MYT1L: variants seen among roughly 807,000 people sequenced by gnomAD.
The protein encoded by MYT1L is myelin transcription factor 1 like, also known as myelin transcription factor 1-like protein.
MYT1L carries 12 observed loss-of-function variants against 126.7 expected under a neutral mutation model. The observed-to-expected ratio is 0.09, with a 90% confidence interval of 0.06 to 0.15. MYT1L has a LOEUF of 0.15. Ranked by LOEUF, MYT1L falls within the 10% of genes least tolerant of loss-of-function variation. The pLI, the probability that MYT1L is intolerant of heterozygous loss-of-function variation, is 1.00. For synonymous variants in MYT1L, 541 were observed against 604.2 expected, an observed-to-expected ratio of 0.90 and a Z score of 1.53; for missense variants, 979 against 1,585.2, an observed-to-expected ratio of 0.62 and a Z score of 6.49.
In MYT1L at chr2:1,943,142, A is replaced by G. The variant is rs3748988; in HGVS notation, c.345T>C (p.Asp115=). The change falls in exon 9 of 25, where the codon GAT becomes GAC. Residue 115 remains aspartate, a synonymous_variant. Coordinates refer to ENST00000647738, the MANE Select transcript of MYT1L (RefSeq NM_001303052.2). The surrounding 1 kb of genome is among the most constrained non-coding windows in gnomAD (Gnocchi z 4.4). ...DEGEEYSEDN[D]EPGDEDEEDE... ...CCTCCTCGTCCTCATCCCCTGGCTCATCATTGTCCTCGGAGTACTCCTCCC... is the reference window on the plus strand; with the variant it reads ...CCTCCTCGTCCTCATCCCCTGGCTCGTCATTGTCCTCGGAGTACTCCTCCC... 0.38 allele frequency: 574,533 copies of G among 1,531,704 alleles called. 112,928 individuals are homozygous for G. The highest frequency in any genetic ancestry group is 0.65 in the African/African-American group (46,943 of 71,864). The allele number at this position is 1,531,704 out of a possible 1,614,324, so 94.9% of individuals were successfully genotyped here.
At position 1,889,854 on chromosome 2, in the gene MYT1L, C is replaced by T. The variant is rs1043863628; in HGVS notation, c.2284-377G>A. Among the ~76,000 whole-genome samples the T allele has an allele frequency of 2.0e-5, 3 of 151,798 alleles. No homozygotes were observed. The highest frequency in any genetic ancestry group is 4.4e-5 in the Non-Finnish European group (3 of 68,006). On this transcript the variant is annotated intron_variant, in intron 15 of 24. Coordinates refer to ENST00000647738, the MANE Select transcript of MYT1L (RefSeq NM_001303052.2). This position sits in a 1 kb window ranked among gnomAD's most constrained non-coding sequence, Gnocchi z 4.1. ...AAGTGCTTAATTTTAATTTTATTAC[C>T]GTTGCAAATACCTAAGAGATAAAAA...
intron 8 of MYT1L, among the ~76,000 whole-genome samples, chr2:1,975,348 C>T (rs146219062): frequency 1.9e-3 from 296 of 152,292 alleles, no homozygotes; most frequent in Non-Finnish European, 3.9e-3. Flanking sequence ...ACTACCATAG[C>T]GTCTGTCCTA....
At chr2:1,827,292 C>A (rs192458040) in intron 21 of MYT1L, 5 of 152,252 alleles carry the variant, frequency 3.3e-5, no homozygotes, top group African/African-American at 1.2e-4. Context: ...TGGGCTGGGG[C>A]CACCCTCCCT....
intron 2 of MYT1L, among the ~76,000 whole-genome samples, chr2:2,264,789 C>A (rs1368732739): frequency 1.3e-5 from 2 of 152,184 alleles, no homozygotes; most frequent in African/African-American, 4.8e-5. Flanking sequence ...GAATTCAGCA[C>A]TCCTCTAGGA....
intron 19 of MYT1L, among the ~76,000 whole-genome samples, chr2:1,849,402 C>T (rs2042925588): frequency 1.3e-5 from 2 of 152,148 alleles, no homozygotes; most frequent in Admixed American, 6.5e-5. Flanking sequence ...TGTTGGACGG[C>T]GCGACTCACT....
intron 2 of MYT1L, among the ~76,000 whole-genome samples, chr2:2,262,467 C>T (rs565253626): frequency 1.4e-4 from 21 of 151,948 alleles, no homozygotes; most frequent in Admixed American, 1.1e-3. Flanking sequence ...CCGAGGCAGG[C>T]GGATCACAAG....
intron 2 of MYT1L, among the ~76,000 whole-genome samples, chr2:2,210,500 C>A (rs925133086): frequency 6.6e-6 from 1 of 152,156 alleles, no homozygotes; most frequent in African/African-American, 2.4e-5. Context: ...TTCCCAGTGT[C>A]TATCCTTGGC....
intron 18 of MYT1L, among the ~76,000 whole-genome samples, chr2:1,876,717 A>G (rs2046961061): frequency 6.6e-6 from 1 of 152,178 alleles, no homozygotes; most frequent in Admixed American, 6.5e-5. Context: ...TCTAACTGCA[A>G]GACATCGGGG....
intron 9 of MYT1L, among the ~76,000 whole-genome samples, chr2:1,924,214 C>T (rs992865300): frequency 6.6e-6 from 1 of 152,174 alleles, no homozygotes; most frequent in African/African-American, 2.4e-5. Context: ...CATAAAACCC[C>T]TATGTTTTAT....
chr2:1,998,562 C>T (rs2062074890), intron 4 of MYT1L, among the ~76,000 whole-genome samples: 1 of 152,094 alleles, frequency 6.6e-6, no homozygotes, highest in Non-Finnish European at 1.5e-5. Flanking sequence ...CGTCCATACA[C>T]ACAGTTAATA....
intron 21 of MYT1L, among the ~76,000 whole-genome samples, chr2:1,822,184 G>A (rs1262427347): frequency 1.3e-5 from 2 of 152,196 alleles, no homozygotes; most frequent in Non-Finnish European, 2.9e-5. Flanking sequence ...CTTGGGCTGG[G>A]CGGCTCCCAG....
intron 4 of MYT1L, among the ~76,000 whole-genome samples, chr2:2,019,804 A>T (rs1558758906): frequency 6.7e-6 from 1 of 150,360 alleles, no homozygotes; most frequent in African/African-American, 2.4e-5. Flanking sequence ...ATATTCTTCT[A>T]TTTTTTTTTC....
intron 18 of MYT1L, among the ~76,000 whole-genome samples, chr2:1,878,523 A>C (rs537798527): frequency 6.6e-6 from 1 of 152,298 alleles, no homozygotes; most frequent in South Asian, 2.1e-4. Context: ...AAATAAGTGT[A>C]AGGTTCTCTT....
chr2:2,229,734 A>G (rs1475327558), intron 2 of MYT1L, among the ~76,000 whole-genome samples: 7 of 152,054 alleles, frequency 4.6e-5, no homozygotes, highest in Admixed American at 4.6e-4. Flanking sequence ...ATATGCATAT[A>G]TTATCTCTAA....
At chr2:1,942,676 G>A (rs894534883) in intron 9 of MYT1L, among the ~76,000 whole-genome samples, 11 of 152,224 alleles carry the variant, frequency 7.2e-5, no homozygotes, top group African/African-American at 1.7e-4. Flanking sequence ...AGACCAGGTC[G>A]GCTAACTTAA....
In MYT1L at chr2:1,796,673, G is replaced by GCAGCATCC. The variant is rs1182708824; in HGVS notation, c.3277-4217_3277-4210dup. Among the ~76,000 whole-genome samples, 3 of 151,504 alleles carry GCAGCATCC rather than the reference G, an allele frequency of 2.0e-5. No individual in the cohort carries two copies. The East Asian group carries it at 6.0e-4, about 30-fold the overall frequency. ...ATGCCTGCTGTTTGGGCCACGGGGG[G>GCAGCATCC]CAGCATCCCAGCCTCCCAGCCGGCT... On this transcript the variant is annotated intron_variant, in intron 23 of 24. Coordinates refer to ENST00000647738, the MANE Select transcript of MYT1L (RefSeq NM_001303052.2).
At chr2:1,924,620 C>T (rs556824381) in intron 9 of MYT1L, among the ~76,000 whole-genome samples, 1 of 152,270 alleles carries the variant, frequency 6.6e-6, no homozygotes, top group South Asian at 2.1e-4. Context: ...TCCTTATTAT[C>T]CCACGCTGAA....
At chr2:2,147,972 T>C (rs2085140333) in intron 3 of MYT1L, among the ~76,000 whole-genome samples, 1 of 152,234 alleles carries the variant, frequency 6.6e-6, no homozygotes, top group Non-Finnish European at 1.5e-5. Flanking sequence ...AAACTGCATC[T>C]GAATCTGTAG....
chr2:1,934,818 C>T (rs968941154), intron 9 of MYT1L, among the ~76,000 whole-genome samples: 4 of 151,974 alleles, frequency 2.6e-5, no homozygotes, highest in African/African-American at 9.7e-5. Flanking sequence ...CGTGAAGACT[C>T]CCTGTCCCCA....
Sources: allele counts gnomAD v4.1 joint callset (sites outside exome capture counted in the v4.1 genomes callset), GRCh38; gene constraint gnomAD v4.1.1; non-coding constraint Gnocchi (gnomAD v3.1); transcripts MANE v1.5; gene names NCBI Gene and HGNC (gene_info 2026-07-23, HGNC 2026-07-21).